Variants in PRKG1 observed in about 807,000 individuals in gnomAD.
PRKG1 encodes cGMP-dependent protein kinase 1.
PRKG1 carries 35 observed loss-of-function variants against 88.1 expected under a neutral mutation model. The ratio of observed to expected loss-of-function variants is 0.40; its 90% confidence interval spans 0.30 to 0.53. PRKG1 has a LOEUF of 0.53. Among genes scored for constraint, PRKG1 ranks in the 20% least tolerant of loss-of-function variants. The pLI is 0.59. For missense variants in PRKG1, 540 were observed against 839.8 expected (o/e 0.64, Z 4.41); for synonymous variants, 303 against 292.5 (o/e 1.04, Z -0.37).
At chr10:51,260,123 C>T (rs908989868) in intron 2 of PRKG1, among the ~76,000 whole-genome samples, 9 of 152,146 alleles carry the variant, frequency 5.9e-5, no homozygotes, top group African/African-American at 1.9e-4. Flanking sequence ...TTACTGATTG[C>T]GTGAACTGCT....
At chr10:51,914,035 C>T (rs539444023) in intron 5 of PRKG1, among the ~76,000 whole-genome samples, 5 of 152,102 alleles carry the variant, frequency 3.3e-5, no homozygotes, top group Non-Finnish European at 5.9e-5. Context: ...AGGATCCAAT[C>T]TCCTCTTTCT....
chr10:52,161,160 G>A lies in PRKG1; in HGVS notation c.1002-729G>A, dbSNP rs976073998. Among the ~76,000 whole-genome samples, 11 of 152,000 alleles carry A rather than the reference G, an allele frequency of 7.2e-5. No individual in the cohort carries two copies. The East Asian group carries it at 1.9e-3, about 27-fold the overall frequency. On this transcript the variant is annotated intron_variant, in intron 8 of 17. Coordinates refer to ENST00000373980, the MANE Select transcript of PRKG1 (RefSeq NM_006258.4). ...TACATGTGTGTATTCATTTTGTGTT[G>A]GCGCTATAATATTTACAATTTTAGT...
chr10:51,370,976 T>C (rs535603828), intron 2 of PRKG1, among the ~76,000 whole-genome samples: 2 of 152,272 alleles, frequency 1.3e-5, no homozygotes, highest in Admixed American at 1.3e-4. Context: ...TTAAACTTTG[T>C]GTGCCCTACA....
chr10:51,621,929 T>G (rs1239745984), intron 3 of PRKG1, among the ~76,000 whole-genome samples: 1 of 152,168 alleles, frequency 6.6e-6, no homozygotes, highest in African/African-American at 2.4e-5. Flanking sequence ...TTCGGTTCCT[T>G]ACTTAGGAAC....
chr10:52,185,397 T>C (rs1839169379), intron 9 of PRKG1, among the ~76,000 whole-genome samples: 1 of 152,208 alleles, frequency 6.6e-6, no homozygotes, highest in African/African-American at 2.4e-5. Flanking sequence ...CCAAGCCCAC[T>C]TGAGTAGCTC....
intron 2 of PRKG1, among the ~76,000 whole-genome samples, chr10:51,428,395 C>T (rs1348587192): frequency 1.3e-5 from 2 of 152,100 alleles, no homozygotes; most frequent in Non-Finnish European, 1.5e-5. Flanking sequence ...TATGGCTTCA[C>T]TAAATCTTGA....
chr10:51,485,561 C>A (rs988836455), intron 3 of PRKG1, among the ~76,000 whole-genome samples: 18 of 152,130 alleles, frequency 1.2e-4, no homozygotes, highest in Admixed American at 7.9e-4. Flanking sequence ...ATACAAATCC[C>A]CTAGTATAAT....
Position 51,329,220 on chromosome 10 carries a change from T to C in PRKG1, c.479-138503T>C, listed in dbSNP as rs141538544. ...TTGGCTTTACATTTAAGTATTTAAATCATTTTTAGTTTATTTTTGTATATG... is the reference window on the plus strand; with the variant it reads ...TTGGCTTTACATTTAAGTATTTAAACCATTTTTAGTTTATTTTTGTATATG... On this transcript the variant is annotated intron_variant, in intron 2 of 17. Coordinates refer to ENST00000373980, the MANE Select transcript of PRKG1 (RefSeq NM_006258.4). Among the ~76,000 whole-genome samples the C allele has an allele frequency of 1.2e-4, 18 of 152,300 alleles. No homozygotes were observed. In the East Asian group the frequency reaches 3.5e-3, roughly 29 times the overall value.
intron 5 of PRKG1, among the ~76,000 whole-genome samples, chr10:51,911,721 A>ACTATATAT (rs1842220950): frequency 6.6e-6 from 1 of 152,226 alleles, no homozygotes; most frequent in African/African-American, 2.4e-5. Flanking sequence ...ATTATATATC[A>ACTATATAT]GATAAAGTGA....
intron 2 of PRKG1, among the ~76,000 whole-genome samples, chr10:51,213,412 C>T (rs528515606): frequency 7.9e-4 from 121 of 152,256 alleles, no homozygotes; most frequent in African/African-American, 2.9e-3. Context: ...CACATGTATA[C>T]ATATGTAACA....
intron 2 of PRKG1, among the ~76,000 whole-genome samples, chr10:51,218,687 T>C (rs1838167760): frequency 6.6e-6 from 1 of 151,724 alleles, no homozygotes; most frequent in African/African-American, 2.4e-5. Flanking sequence ...AATGTCTTGA[T>C]ATTTTGTTCG....
At chr10:51,673,409 A>G (rs949297191) in intron 3 of PRKG1, among the ~76,000 whole-genome samples, 2 of 152,232 alleles carry the variant, frequency 1.3e-5, no homozygotes, top group Non-Finnish European at 2.9e-5. Context: ...ACACAAGTAG[A>G]AATCACTGAG....
chr10:51,147,978 G>A (rs1181169345), intron 1 of PRKG1, among the ~76,000 whole-genome samples: 3 of 152,156 alleles, frequency 2.0e-5, no homozygotes, highest in Non-Finnish European at 1.5e-5. Flanking sequence ...TTATATCTGT[G>A]GAGTTCATTC....
Position 51,467,086 on chromosome 10 carries a change from C to A in PRKG1, c.479-637C>A, listed in dbSNP as rs566706273. Among the ~76,000 whole-genome samples, 18 of 152,060 alleles carry A rather than the reference C, an allele frequency of 1.2e-4. No homozygotes were observed. In the East Asian group the frequency reaches 3.3e-3, roughly 28 times the overall value. On this transcript the variant is annotated intron_variant, in intron 2 of 17. Coordinates refer to ENST00000373980, the MANE Select transcript of PRKG1 (RefSeq NM_006258.4). ...TACCCAGTATGTGGTGTTGCCTTAGCTTTTACTTCCTTTAGCATTTCATTT... is the reference window on the plus strand; with the variant it reads ...TACCCAGTATGTGGTGTTGCCTTAGATTTTACTTCCTTTAGCATTTCATTT...
chr10:51,804,072 G>A (rs965437983), intron 3 of PRKG1, among the ~76,000 whole-genome samples: 3 of 152,044 alleles, frequency 2.0e-5, no homozygotes, highest in East Asian at 1.9e-4. Context: ...TTTGTAAAAC[G>A]AGCTTTGTGT....
chr10:51,161,232 G>GTT (rs79907010), intron 2 of PRKG1, among the ~76,000 whole-genome samples: 2 of 147,010 alleles, frequency 1.4e-5, no homozygotes, highest in Non-Finnish European at 1.5e-5. Context: ...GACTAATACA[G>GTT]TTTTTTTTTT....
At chr10:51,417,675 G>A (rs1360199697) in intron 2 of PRKG1, among the ~76,000 whole-genome samples, 4 of 152,014 alleles carry the variant, frequency 2.6e-5, no homozygotes, top group African/African-American at 9.7e-5. Flanking sequence ...ATACTTCTTA[G>A]TTCATTGTTT....
chr10:51,287,593 T>C (rs1840475709), intron 2 of PRKG1, among the ~76,000 whole-genome samples: 2 of 152,132 alleles, frequency 1.3e-5, no homozygotes, highest in South Asian at 2.1e-4. Flanking sequence ...ATAAACAAGA[T>C]AATTTCAGAT....
intron 3 of PRKG1, among the ~76,000 whole-genome samples, chr10:51,584,399 A>G (rs1838120906): frequency 1.3e-5 from 2 of 152,064 alleles, no homozygotes; most frequent in Non-Finnish European, 2.9e-5. Context: ...TTACAAAATC[A>G]TCTAAAAGGA....
Sources: gnomAD v4.1 joint callset for allele counts (sites outside exome capture counted in the v4.1 genomes callset) on GRCh38, gnomAD v4.1.1 for gene constraint, MANE v1.5 for transcripts, NCBI Gene and HGNC (gene_info 2026-07-23, HGNC 2026-07-21) for gene names.